Variants in CNR1 observed in about 807,000 individuals in gnomAD.
CNR1 encodes the protein cannabinoid receptor 1.
Under a neutral mutation model 23.0 loss-of-function variants are expected in CNR1, and 10 were observed. The ratio of observed to expected loss-of-function variants is 0.43; its 90% CI spans 0.27 to 0.74. The LOEUF (loss-of-function observed/expected upper bound fraction) is 0.74. Among genes scored for constraint, CNR1 ranks in the 30% least tolerant of loss-of-function variants. The probability of loss-of-function intolerance (pLI) is 0.19; values close to 1 mark genes in which losing one functional copy is unlikely to be tolerated. For synonymous variants in CNR1, 271 were observed against 255.2 expected (o/e 1.06, Z -0.59); for missense variants, 422 against 618.8 (o/e 0.68, Z 3.37).
intron 1 of CNR1, among the ~76,000 whole-genome samples, chr6:88,159,729 G>A (rs1026107503): frequency 1.3e-5 from 2 of 152,042 alleles, no homozygotes; most frequent in African/African-American, 2.4e-5. Context: ...TCTAGCTTTC[G>A]TTTTTCACAT....
intron 1 of CNR1, among the ~76,000 whole-genome samples, chr6:88,145,998 G>A (rs765427663): frequency 6.6e-6 from 1 of 152,146 alleles, no homozygotes; most frequent in Non-Finnish European, 1.5e-5. Context: ...AGGTCTGGAC[G>A]GAGCCATGGC....
chr6:88,161,297 C>G (rs1778092560), intron 1 of CNR1, among the ~76,000 whole-genome samples: 1 of 152,188 alleles, frequency 6.6e-6, no homozygotes, highest in South Asian at 2.1e-4. Flanking sequence ...ATTCCCAGAA[C>G]AACTGCAATG....
chr6:88,163,527 G>A (rs1021460759), intron 1 of CNR1, among the ~76,000 whole-genome samples: 1 of 152,160 alleles, frequency 6.6e-6, no homozygotes, highest in Non-Finnish European at 1.5e-5. Context: ...TTTCCCCGTG[G>A]TTAATGTTAA....
chr6:88,143,584 GCCAA>G lies in CNR1; in HGVS notation c.*268_*271del. ...GGGTTCTTAGACTTCCAATTGTGTA[GCCAA>G]AGGTTTCCCTCCTATTTCATTGAGA... On this transcript the variant is annotated 3_prime_UTR_variant, in exon 2 of 2. Transcript: ENST00000369501. 5.7e-6 allele frequency: 2 copies of G among 349,492 alleles called. No individual in the cohort carries two copies. The highest frequency in any genetic ancestry group is 4.4e-5 in the Admixed American group (1 of 22,538). 21.6% of individuals were successfully genotyped at this position (349,492 alleles called of 1,614,324 possible).
intron 1 of CNR1, chr6:88,147,654 C>G (rs1777278725): frequency 6.6e-6 from 1 of 152,236 alleles, no homozygotes; most frequent in African/African-American, 2.4e-5. Context: ...AGGATCTCAT[C>G]ACTGCTCACC....
In CNR1 at chr6:88,142,003, T is replaced by G. The variant is rs2127821561; in HGVS notation, c.*1853A>C. On this transcript the variant is annotated 3_prime_UTR_variant, in exon 2 of 2. Transcript: ENST00000369501. The stretch of plus-strand genomic sequence containing the variant: ...ATTCTTCAGCAATATCATTCCTTAC[T>G]GGAAAAAGGCCCAACAAGCACCCAT... The G allele has an allele frequency of 6.6e-6, 1 of 152,450 alleles. No homozygotes were observed. The allele number at this position is 152,450 out of a possible 1,614,324, so 9.4% of individuals were successfully genotyped here.
chr6:88,143,812 A>C lies in CNR1; in HGVS notation c.*44T>G. 2.1e-6 allele frequency: 2 copies of C among 973,066 alleles called. No individual in the cohort carries two copies. The highest frequency in any genetic ancestry group is 2.9e-6 in the Non-Finnish European group (2 of 686,482). The allele number at this position is 973,066 out of a possible 1,614,324, so 60.3% of individuals were successfully genotyped here. ...ATAGACTCTTCTAGATTTTGAGCTT[A>C]AAAAAAAAAATTCTTTTCCTGTGCT... On this transcript the variant is annotated 3_prime_UTR_variant, in exon 2 of 2. Coordinates refer to ENST00000369501, the MANE Select transcript of CNR1 (RefSeq NM_016083.6).
At position 88,156,809 on chromosome 6, in the gene CNR1, A is replaced by C. The variant is rs76046490; in HGVS notation, c.-64+8994T>G. Reference sequence around the variant, plus strand: ...GATCCAACGTAACAGAACAGCTTTTAACCATGGACAGTTTTTTCTGGCATA... The same window carrying C: ...GATCCAACGTAACAGAACAGCTTTTCACCATGGACAGTTTTTTCTGGCATA... On this transcript the variant is annotated intron_variant, in intron 1 of 1. Transcript: ENST00000369501. Among the ~76,000 whole-genome samples the C allele has an allele frequency of 3.3e-3, 509 of 152,330 alleles. 2 individuals carry two copies. The highest frequency in any genetic ancestry group is 0.012 in the African/African-American group (480 of 41,578).
intron 1 of CNR1, among the ~76,000 whole-genome samples, chr6:88,155,148 AC>A (rs763988332): frequency 1.3e-5 from 2 of 152,154 alleles, no homozygotes; most frequent in Non-Finnish European, 2.9e-5. Flanking sequence ...TGCACAGCAC[AC>A]CTTTCACAGT....
At chr6:88,165,358 T>C (rs1431367854) in intron 1 of CNR1, among the ~76,000 whole-genome samples, 3 of 152,254 alleles carry the variant, frequency 2.0e-5, no homozygotes, top group Non-Finnish European at 4.4e-5. Context: ...GTGGTTCCTG[T>C]AGCTTTTTAT....
intron 1 of CNR1, among the ~76,000 whole-genome samples, chr6:88,147,154 T>A (rs753032970): frequency 6.6e-5 from 10 of 152,192 alleles, no homozygotes; most frequent in South Asian, 2.1e-4. Context: ...TTTAAAAAAA[T>A]TTTAAAAAAA....
chr6:88,162,207 G>A (rs920598787), intron 1 of CNR1, among the ~76,000 whole-genome samples: 3 of 152,148 alleles, frequency 2.0e-5, no homozygotes, highest in Non-Finnish European at 2.9e-5. Context: ...TGCTTTGAAT[G>A]CGGACATTTC....
At position 88,140,679 on chromosome 6, in the gene CNR1, C is replaced by G. The variant is rs1458292268; in HGVS notation, c.*3177G>C. 6.6e-6 allele frequency: 1 copy of G among 152,302 alleles called. No homozygotes were observed. Among genetic ancestry groups the G allele is most frequent in the Non-Finnish European group, 1.5e-5 (1 of 68,036 alleles). The allele number at this position is 152,302 out of a possible 1,614,324, so 9.4% of individuals were successfully genotyped here. A position where few individuals can be genotyped will look rare whatever the true frequency, so the allele number is the denominator to read the frequency against. On this transcript the variant is annotated 3_prime_UTR_variant, in exon 2 of 2. Transcript: ENST00000369501. The stretch of plus-strand genomic sequence containing the variant: ...AAATGGCAGAAATTAATCAACAGGA[C>G]AGTAACTATAGCGCTACTCATCCAG...
intron 1 of CNR1, among the ~76,000 whole-genome samples, chr6:88,154,630 G>A (rs1777702082): frequency 6.6e-6 from 1 of 152,140 alleles, no homozygotes; most frequent in Non-Finnish European, 1.5e-5. Flanking sequence ...CCAGGCTGGA[G>A]TGCAGTGGTG....
At position 88,140,294 on chromosome 6, in the gene CNR1, G is replaced by A. The variant is rs1776737653; in HGVS notation, c.*3562C>T. The A allele has an allele frequency of 6.5e-6, 1 of 152,698 alleles. No individual in the cohort carries two copies. Among genetic ancestry groups the A allele is most frequent in the South Asian group, 2.1e-4 (1 of 4,824 alleles). 9.5% of individuals were successfully genotyped at this position (152,698 alleles called of 1,614,324 possible). ...TACAAGAAAAGGTTTCCTTTCTTGGGAACTCTGATCCCCAGTAGGCCTAGT... is the reference window on the plus strand; with the variant it reads ...TACAAGAAAAGGTTTCCTTTCTTGGAAACTCTGATCCCCAGTAGGCCTAGT... On this transcript the variant is annotated 3_prime_UTR_variant, in exon 2 of 2. Coordinates refer to ENST00000369501, the MANE Select transcript of CNR1 (RefSeq NM_016083.6).
intron 1 of CNR1, among the ~76,000 whole-genome samples, chr6:88,147,264 A>T (rs1330078488): frequency 6.6e-6 from 1 of 152,236 alleles, no homozygotes; most frequent in Non-Finnish European, 1.5e-5. Flanking sequence ...GTGAGGCGAG[A>T]TTATGCCACT....
At chr6:88,163,859 G>A (rs950368140) in intron 1 of CNR1, among the ~76,000 whole-genome samples, 3 of 152,202 alleles carry the variant, frequency 2.0e-5, no homozygotes, top group Admixed American at 1.3e-4. Flanking sequence ...GCTTATTAGA[G>A]AAGAGCAATC....
chr6:88,143,724 T>A lies in CNR1; in HGVS notation c.*132A>T. The A allele has an allele frequency of 2.9e-6, 2 of 698,320 alleles. No individual in the cohort carries two copies. The highest frequency in any genetic ancestry group is 4.9e-6 in the Non-Finnish European group (2 of 404,206). 43.3% of individuals were successfully genotyped at this position (698,320 alleles called of 1,614,324 possible). A position where few individuals can be genotyped will look rare whatever the true frequency, so the allele number is the denominator to read the frequency against. On this transcript the variant is annotated 3_prime_UTR_variant, in exon 2 of 2. Coordinates refer to ENST00000369501, the MANE Select transcript of CNR1 (RefSeq NM_016083.6). ...GAAACATTAGCAAACTGATAAGTGA[T>A]CATGGTGACAATCACCTTTTCATTG...
At chr6:88,150,805 TCCCTTTGA>T (rs1201386278) in intron 1 of CNR1, among the ~76,000 whole-genome samples, 3 of 152,226 alleles carry the variant, frequency 2.0e-5, no homozygotes, top group African/African-American at 7.2e-5. Flanking sequence ...GTCTTCTGTG[TCCCTTTGA>T]TTATGGATGA....
Sources: gnomAD v4.1 joint callset for allele counts (sites outside exome capture counted in the v4.1 genomes callset) on GRCh38, gnomAD v4.1.1 for gene constraint, MANE v1.5 for transcripts, NCBI Gene and HGNC (gene_info 2026-07-23, HGNC 2026-07-21) for gene names.